The following GRIK2 variants were observed in gnomAD, a reference collection of about 807,000 sequenced individuals.
GRIK2 encodes the protein glutamate receptor ionotropic, kainate 2.
Under a neutral mutation model 100.3 loss-of-function variants are expected in GRIK2, and 32 were observed. That is an observed-to-expected ratio of 0.32 (90% CI 0.24 to 0.43). The LOEUF is 0.43. Ranked by LOEUF, GRIK2 falls within the 20% of genes least tolerant of loss-of-function variation. The pLI is 1.00. For synonymous variants in GRIK2, 417 were observed against 389.4 expected (o/e 1.07, Z -0.83); for missense variants, 843 against 1,114.9 (o/e 0.76, Z 3.47).
intron 2 of GRIK2, among the ~76,000 whole-genome samples, chr6:101,447,343 G>A (rs1770435691): frequency 6.6e-6 from 1 of 151,626 alleles, no homozygotes; most frequent in Admixed American, 6.6e-5. Context: ...GCATTTGATA[G>A]AATCTGACCC....
intron 14 of GRIK2, among the ~76,000 whole-genome samples, chr6:101,967,893 TAAAAATC>T (rs1016324804): frequency 6.6e-5 from 10 of 151,716 alleles, no homozygotes; most frequent in African/African-American, 2.2e-4. Flanking sequence ...GATCTAGAAA[TAAAAATC>T]AAAACAACAA....
chr6:101,922,356 G>T (rs1789610720), intron 12 of GRIK2, among the ~76,000 whole-genome samples: 1 of 151,992 alleles, frequency 6.6e-6, no homozygotes, highest in African/African-American at 2.4e-5. Context: ...AAAAACTAGT[G>T]ATCTCAGTCA....
At chr6:101,859,011 A>T (rs1056894462) in intron 10 of GRIK2, among the ~76,000 whole-genome samples, 3 of 151,956 alleles carry the variant, frequency 2.0e-5, no homozygotes, top group Non-Finnish European at 2.9e-5. Flanking sequence ...ATATAATAAG[A>T]TTTATGGCAT....
intron 2 of GRIK2, among the ~76,000 whole-genome samples, chr6:101,440,577 A>C (rs994943539): frequency 3.3e-5 from 5 of 152,172 alleles, no homozygotes; most frequent in African/African-American, 1.2e-4. Flanking sequence ...GGACTAAGGA[A>C]CTGAAAGCTG....
intron 2 of GRIK2, among the ~76,000 whole-genome samples, chr6:101,487,778 A>C (rs1772905520): frequency 6.8e-6 from 1 of 146,608 alleles, no homozygotes; most frequent in Non-Finnish European, 1.5e-5. Context: ...ATACAGCATT[A>C]AATTTAAAAA....
chr6:101,469,175 C>A (rs1010600843), intron 2 of GRIK2, among the ~76,000 whole-genome samples: 2 of 151,968 alleles, frequency 1.3e-5, no homozygotes, highest in Non-Finnish European at 2.9e-5. Context: ...GTGGTTTGTT[C>A]AAAAATATCA....
intron 14 of GRIK2, among the ~76,000 whole-genome samples, chr6:101,975,365 A>C (rs191352998): frequency 6.6e-6 from 1 of 152,008 alleles, no homozygotes; most frequent in African/African-American, 2.4e-5. Flanking sequence ...CACTTAATTC[A>C]CCAAGATTTA....
At chr6:102,050,311 A>G (rs1771103193) in intron 15 of GRIK2, among the ~76,000 whole-genome samples, 1 of 151,954 alleles carries the variant, frequency 6.6e-6, no homozygotes, top group South Asian at 2.1e-4. Flanking sequence ...GAAGGGAGAG[A>G]AGAGCACAGG....
At chr6:101,482,981 T>C (rs1772613369) in intron 2 of GRIK2, among the ~76,000 whole-genome samples, 1 of 152,222 alleles carries the variant, frequency 6.6e-6, no homozygotes, top group South Asian at 2.1e-4. Flanking sequence ...TAATAAACAA[T>C]TATTTACATC....
chr6:101,467,977 A>G (rs1451706422), intron 2 of GRIK2, among the ~76,000 whole-genome samples: 1 of 150,704 alleles, frequency 6.6e-6, no homozygotes, highest in Admixed American at 6.7e-5. Flanking sequence ...CTCTCAGGGC[A>G]CGAGAAGAGA....
chr6:101,407,785 C>G (rs951891630), intron 2 of GRIK2, among the ~76,000 whole-genome samples: 2 of 151,934 alleles, frequency 1.3e-5, no homozygotes, highest in Non-Finnish European at 2.9e-5. Context: ...TTGTGTAATC[C>G]AGTTAAAGAG....
chr6:102,031,076 T>TACAC (rs55900001), intron 14 of GRIK2, among the ~76,000 whole-genome samples: 7,807 of 118,202 alleles, frequency 0.066, 295 homozygotes, highest in East Asian at 0.085. Context: ...TATTATGCAT[T>TACAC]ACACACACAC....
At chr6:102,008,314 A>C (rs1582712507) in intron 14 of GRIK2, among the ~76,000 whole-genome samples, 1 of 152,160 alleles carries the variant, frequency 6.6e-6, no homozygotes, top group Non-Finnish European at 1.5e-5. Context: ...GCAACAGAAC[A>C]GAGAGGGTAA....
chr6:101,632,624 G>A (rs1240532084), intron 4 of GRIK2, among the ~76,000 whole-genome samples: 1 of 151,950 alleles, frequency 6.6e-6, no homozygotes, highest in African/African-American at 2.4e-5. Context: ...GATTTCAACT[G>A]CAGTTAAACA....
At chr6:101,608,485 G>C (rs991961021) in intron 2 of GRIK2, among the ~76,000 whole-genome samples, 2 of 151,686 alleles carry the variant, frequency 1.3e-5, no homozygotes, top group Non-Finnish European at 2.9e-5. Context: ...TATGTAATTT[G>C]CCTTTCTTAC....
intron 2 of GRIK2, among the ~76,000 whole-genome samples, chr6:101,495,438 A>G (rs1773391627): frequency 6.6e-6 from 1 of 152,110 alleles, no homozygotes; most frequent in Admixed American, 6.5e-5. Flanking sequence ...CCAGGGAGGC[A>G]GAGCTGGCAG....
chr6:101,466,567 G>A (rs1771656037), intron 2 of GRIK2, among the ~76,000 whole-genome samples: 2 of 150,760 alleles, frequency 1.3e-5, no homozygotes, highest in Admixed American at 1.3e-4. Flanking sequence ...CAACAAAGCT[G>A]GCACTCTTTA....
At chr6:101,855,800 C>T (rs987155673) in intron 10 of GRIK2, among the ~76,000 whole-genome samples, 25 of 131,654 alleles carry the variant, frequency 1.9e-4, no homozygotes, top group African/African-American at 5.8e-4. Flanking sequence ...AAGATTGCTA[C>T]GACTTTCTGG....
intron 2 of GRIK2, among the ~76,000 whole-genome samples, chr6:101,459,126 G>C (rs940821081): frequency 6.6e-6 from 1 of 150,982 alleles, no homozygotes; most frequent in African/African-American, 2.4e-5. Context: ...TTTTAATGTG[G>C]TTTTCTTGAC....
Sources: gnomAD v4.1 joint callset for allele counts (sites outside exome capture counted in the v4.1 genomes callset) on GRCh38, gnomAD v4.1.1 for gene constraint, MANE v1.5 for transcripts, NCBI Gene and HGNC (gene_info 2026-07-23, HGNC 2026-07-21) for gene names.